Variants in SUSD5 observed in about 807,000 individuals in gnomAD.
SUSD5 encodes sushi domain containing 5, also known as sushi domain-containing protein 5.
In SUSD5, 33 loss-of-function variants were observed where a neutral mutation model predicts 29.5. That is an observed-to-expected ratio of 1.12 (90% confidence interval 0.85 to 1.49). The LOEUF (loss-of-function observed/expected upper bound fraction) is 1.49, where lower values mean the gene tolerates loss of function less well. Ranked by LOEUF, SUSD5 falls within the 40% of genes most tolerant of loss-of-function variation. SUSD5 has a pLI of 0.00. For synonymous variants in SUSD5, 308 were observed against 325.3 expected (o/e 0.95, Z 0.57); for missense variants, 776 against 800.6 (o/e 0.97, Z 0.37).
intron 2 of SUSD5, among the ~76,000 whole-genome samples, chr3:33,211,541 C>T (rs1044070507): frequency 6.6e-6 from 1 of 152,182 alleles, no homozygotes; most frequent in Non-Finnish European, 1.5e-5. Flanking sequence ...TGGATGTAGC[C>T]TCAGTTGTCC....
At chr3:33,164,536 T>C (rs2031264460) in intron 4 of SUSD5, among the ~76,000 whole-genome samples, 1 of 152,182 alleles carries the variant, frequency 6.6e-6, no homozygotes, top group Admixed American at 6.5e-5. Context: ...ATTAATAAGT[T>C]ATACTACATT....
intron 3 of SUSD5, among the ~76,000 whole-genome samples, chr3:33,176,845 G>C (rs2031561351): frequency 6.6e-6 from 1 of 152,188 alleles, no homozygotes; most frequent in East Asian, 1.9e-4. Context: ...TTATGTAAAA[G>C]AGACTATCTT....
chr3:33,200,267 G>C (rs987441444), intron 3 of SUSD5, among the ~76,000 whole-genome samples: 1 of 152,130 alleles, frequency 6.6e-6, no homozygotes, highest in African/African-American at 2.4e-5. Context: ...GGACTTCCCA[G>C]CCTCCAGAAC....
chr3:33,184,810 A>G (rs2031745432), intron 3 of SUSD5, among the ~76,000 whole-genome samples: 1 of 152,170 alleles, frequency 6.6e-6, no homozygotes, highest in Non-Finnish European at 1.5e-5. Flanking sequence ...CTTGTATGTC[A>G]TCTAATTCTC....
intron 3 of SUSD5, among the ~76,000 whole-genome samples, chr3:33,184,106 T>G (rs1198994062): frequency 1.3e-5 from 2 of 151,106 alleles, no homozygotes; most frequent in Non-Finnish European, 3.0e-5. Flanking sequence ...CCTGGCTACT[T>G]TTTTTGTATT....
rs140362381 is a variant in SUSD5, at chr3:33,213,734, A to C, written c.290+194T>G. On this transcript the variant is annotated intron_variant, in intron 2 of 4. Coordinates refer to ENST00000309558, the MANE Select transcript of SUSD5 (RefSeq NM_015551.2). Reference sequence around the variant, plus strand: ...GGTTGCAGTGAGCCTAGATTGCACCACTGCACTCCAACCTGGGCAACAGAG... The same window carrying C: ...GGTTGCAGTGAGCCTAGATTGCACCCCTGCACTCCAACCTGGGCAACAGAG... 6.5e-3 allele frequency among the ~76,000 whole-genome samples: 994 copies of C among 152,152 alleles called. 5 individuals are homozygous for C. Among genetic ancestry groups the C allele is most frequent in the African/African-American group, 0.021 (868 of 41,414 alleles).
At position 33,154,050 on chromosome 3, in the gene SUSD5, A is replaced by G. The variant is rs754669978; in HGVS notation, c.599-17T>C. 11 of 1,551,556 alleles carry G rather than the reference A, an allele frequency of 7.1e-6. No homozygotes were observed. The East Asian group carries it at 1.6e-4, about 22-fold the overall frequency. Reference sequence around the variant, plus strand: ...CAGCCTCATCTGGAAGAAAAGAGGGAAAAAACCTCATTAGCTCCAAAGGCA... The same window carrying G: ...CAGCCTCATCTGGAAGAAAAGAGGGGAAAAACCTCATTAGCTCCAAAGGCA... On this transcript the variant is annotated splice_polypyrimidine_tract_variant and intron_variant, in intron 4 of 4. Coordinates refer to ENST00000309558, the MANE Select transcript of SUSD5 (RefSeq NM_015551.2).
chr3:33,156,449 C>T (rs899738944), intron 4 of SUSD5, among the ~76,000 whole-genome samples: 1 of 152,156 alleles, frequency 6.6e-6, no homozygotes, highest in Middle Eastern at 3.2e-3. Context: ...TAGAGCCCCA[C>T]AACTAGGAGA....
chr3:33,168,212 G>A (rs895180298), intron 4 of SUSD5, among the ~76,000 whole-genome samples: 5 of 152,046 alleles, frequency 3.3e-5, no homozygotes, highest in African/African-American at 4.8e-5. Flanking sequence ...TTTTTACTTT[G>A]CTGCCTTTCT....
At chr3:33,195,769 C>G (rs1228952520) in intron 3 of SUSD5, among the ~76,000 whole-genome samples, 4 of 146,332 alleles carry the variant, frequency 2.7e-5, no homozygotes, top group African/African-American at 1.0e-4. Flanking sequence ...AGAATGCAAT[C>G]TTATATGTTG....
intron 3 of SUSD5, among the ~76,000 whole-genome samples, chr3:33,196,495 AAC>A (rs144537523): frequency 0.015 from 2,231 of 152,304 alleles, 64 homozygotes; most frequent in African/African-American, 0.049. Flanking sequence ...CCCTTGCCCT[AAC>A]ACAGACAACA....
intron 4 of SUSD5, chr3:33,168,701 G>C (rs56227729): frequency 0.4 from 220,700 of 547,194 alleles, 43,214 homozygotes; most frequent in East Asian, 0.72. Context: ...CCAGGCTGGA[G>C]TGCAGTGGGG....
intron 4 of SUSD5, among the ~76,000 whole-genome samples, chr3:33,173,519 T>C (rs368376270): frequency 6.6e-6 from 1 of 152,292 alleles, no homozygotes; most frequent in African/African-American, 2.4e-5. Flanking sequence ...ACACTGTGGA[T>C]AGTAAATAGC....
intron 3 of SUSD5, among the ~76,000 whole-genome samples, chr3:33,180,889 G>C (rs1402190263): frequency 7.2e-6 from 1 of 139,022 alleles, no homozygotes; most frequent in African/African-American, 2.7e-5. Context: ...TTACTATGTT[G>C]CCCAGGTTGT....
At position 33,174,946 on chromosome 3, in the gene SUSD5, A is replaced by C. The variant is rs533895360; in HGVS notation, c.538T>G (p.Phe180Val). 6.2e-7 allele frequency: 1 copy of C among 1,614,048 alleles called. No individual in the cohort carries two copies. Among genetic ancestry groups the C allele is most frequent in the South Asian group, 1.1e-5 (1 of 91,086 alleles). The change falls in exon 4 of 5, where the codon TTC becomes GTC. Residue 180 changes from phenylalanine to valine, a missense_variant. Phe to Val is a conservative substitution (Grantham distance 50, BLOSUM62 -1). Coordinates refer to ENST00000309558, the MANE Select transcript of SUSD5 (RefSeq NM_015551.2). ...CCACAGCTGTTACATAGCAAGGTGAAGGCGGTCTCCCGGTGGCCCATGATG... is the reference window on the plus strand; with the variant it reads ...CCACAGCTGTTACATAGCAAGGTGACGGCGGTCTCCCGGTGGCCCATGATG... ...GHIMGHRETA[F>V]TLLCNSCGEW...
chr3:33,188,873 T>C (rs2031830429), intron 3 of SUSD5, among the ~76,000 whole-genome samples: 1 of 152,180 alleles, frequency 6.6e-6, no homozygotes, highest in African/African-American at 2.4e-5. Context: ...CTGATGTAAA[T>C]TATACCTTAA....
rs60584840 is a variant in SUSD5, at chr3:33,218,236, T to A, written c.112+450A>T. On this transcript the variant is annotated intron_variant, in intron 1 of 4. Transcript: ENST00000309558. ...TCTTAGCCTCGCTGATTCCCACTCA[T>A]CTTTCACGTCTTCCCGGACCAAGCC... Among the ~76,000 whole-genome samples, 408 of 152,326 alleles carry A rather than the reference T, an allele frequency of 2.7e-3. 3 individuals are homozygous for A. The highest frequency in any genetic ancestry group is 9.5e-3 in the African/African-American group (395 of 41,576).
Position 33,190,929 on chromosome 3 carries a change from T to C in SUSD5, c.410-15855A>G, listed in dbSNP as rs543338298. ...TTAATCTCCCCTAAATTGTCTACAT[T>C]CCCCCACCCCAGCCCATCAAATTCC... On this transcript the variant is annotated intron_variant, in intron 3 of 4. Coordinates refer to ENST00000309558, the MANE Select transcript of SUSD5 (RefSeq NM_015551.2). Among the ~76,000 whole-genome samples, 9 of 152,024 alleles carry C rather than the reference T, an allele frequency of 5.9e-5. No homozygotes were observed. The East Asian group carries it at 1.7e-3, about 29-fold the overall frequency.
At chr3:33,160,335 G>A (rs180981126) in intron 4 of SUSD5, among the ~76,000 whole-genome samples, 3 of 151,946 alleles carry the variant, frequency 2.0e-5, no homozygotes, top group South Asian at 2.1e-4. Context: ...GAGGCAGGGG[G>A]ATCATTTGAG....
Sources: allele counts gnomAD v4.1 joint callset (sites outside exome capture counted in the v4.1 genomes callset), GRCh38; gene constraint gnomAD v4.1.1; transcripts MANE v1.5; gene names NCBI Gene and HGNC (gene_info 2026-07-23, HGNC 2026-07-21).